The following ACAD11 variants were observed in gnomAD, a reference collection of about 807,000 sequenced individuals.
ACAD11 encodes acyl-CoA dehydrogenase family member 11.
A neutral mutation model predicts 102.2 loss-of-function variants in ACAD11; 83 were observed. The observed-to-expected ratio is 0.81, with a 90% CI of 0.68 to 0.97. The LOEUF is 0.97. Among genes scored for constraint, ACAD11 ranks in the 50% least tolerant of loss-of-function variants. The probability of loss-of-function intolerance (pLI) is 0.00; values close to 1 mark genes in which losing one functional copy is unlikely to be tolerated. For synonymous variants in ACAD11, 324 were observed against 319.8 expected (o/e 1.01, Z -0.14); for missense variants, 901 against 951.7 (o/e 0.95, Z 0.70).
At chr3:132,612,866 C>A (rs1455914696) in intron 11 of ACAD11, among the ~76,000 whole-genome samples, 1 of 151,964 alleles carries the variant, frequency 6.6e-6, no homozygotes, top group Non-Finnish European at 1.5e-5. Flanking sequence ...CCCAGCCATC[C>A]CATTACTGGG....
intron 5 of ACAD11, among the ~76,000 whole-genome samples, chr3:132,634,039 A>G (rs113774677): frequency 0.021 from 3,228 of 152,220 alleles, 44 homozygotes; most frequent in South Asian, 0.07. Flanking sequence ...ATGGCAACAA[A>G]AGCCAAAATT....
intron 4 of ACAD11, among the ~76,000 whole-genome samples, chr3:132,640,510 T>C (rs1168319053): frequency 6.6e-6 from 1 of 152,244 alleles, no homozygotes; most frequent in Non-Finnish European, 1.5e-5. Context: ...AACTTACTCG[T>C]AAAGTCCTCC....
chr3:132,636,999 T>G (rs1175506915), intron 5 of ACAD11, among the ~76,000 whole-genome samples: 1 of 151,832 alleles, frequency 6.6e-6, no homozygotes, highest in Non-Finnish European at 1.5e-5. Flanking sequence ...TGTCACAGGT[T>G]TTACTAAGAG....
intron 13 of ACAD11, among the ~76,000 whole-genome samples, chr3:132,586,618 C>A (rs893699027): frequency 6.6e-6 from 1 of 152,098 alleles, no homozygotes; most frequent in Non-Finnish European, 1.5e-5. Context: ...TATATTACAT[C>A]TGAGAGAGAA....
intron 13 of ACAD11, among the ~76,000 whole-genome samples, chr3:132,579,962 A>G (rs931350112): frequency 3.3e-5 from 5 of 152,132 alleles, no homozygotes; most frequent in Admixed American, 1.3e-4. Context: ...TTAATTTCTT[A>G]AGGGTCAAAT....
At chr3:132,655,352 C>T (rs1233502391) in intron 1 of ACAD11, among the ~76,000 whole-genome samples, 1 of 152,158 alleles carries the variant, frequency 6.6e-6, no homozygotes, top group African/African-American at 2.4e-5. Flanking sequence ...TTACTTCCCT[C>T]CTCTGCTCAA....
chr3:132,615,956 C>A (rs187094358), intron 11 of ACAD11, among the ~76,000 whole-genome samples: 158 of 152,178 alleles, frequency 1.0e-3, no homozygotes, highest in African/African-American at 3.7e-3. Context: ...ATATGTTTCC[C>A]ATATGTTTTA....
rs1456160165 is a variant in ACAD11, at chr3:132,600,838, A to G, written c.1621+2391T>C. ...TGGCAGTAACTAAAGTCCCCAGCCA[A>G]TCAGGAGTGGGAAAACCATGCTGGA... On this transcript the variant is annotated intron_variant, in intron 13 of 19. Transcript: ENST00000264990. 3 of 1,613,922 alleles carry G rather than the reference A, an allele frequency of 1.9e-6. No individual in the cohort carries two copies. In the South Asian group the frequency reaches 3.3e-5, roughly 18 times the overall value.
At chr3:132,561,287 G>T in intron 17 of ACAD11, 70 bp from the exon 18 acceptor site, 2 of 1,140,536 alleles carry the variant, frequency 1.8e-6, no homozygotes, top group Non-Finnish European at 2.7e-6. Context: ...GTGTAACACA[G>T]TCTTATAGTT....
chr3:132,574,923 C>T (rs1344456979), intron 17 of ACAD11, among the ~76,000 whole-genome samples: 1 of 152,184 alleles, frequency 6.6e-6, no homozygotes, highest in Non-Finnish European at 1.5e-5. Context: ...CAACCTCTGT[C>T]TCCCGGGTTC....
chr3:132,563,208 GTAGTT>G (rs1384368119), intron 17 of ACAD11, among the ~76,000 whole-genome samples: 1 of 152,172 alleles, frequency 6.6e-6, no homozygotes, highest in Non-Finnish European at 1.5e-5. Context: ...ACTGATTACT[GTAGTT>G]TAGAGTAAGT....
Position 132,575,832 on chromosome 3 carries a change from C to A in ACAD11, c.1941G>T (p.Leu647Phe), listed in dbSNP as rs768179050. Residue 647 changes from leucine (L) to phenylalanine (F), a missense_variant, in exon 17 of 20, where the codon TTG becomes TTT. By Grantham distance (22) the Leu-to-Phe change is conservative. Transcript: ENST00000264990. Reference sequence around the variant, plus strand: ...GTGTTGCCCGCTCACACATGATCTGCAAAGCGCGTTCCGCCAAACCTACTG... The same window carrying A: ...GTGTTGCCCGCTCACACATGATCTGAAAAGCGCGTTCCGCCAAACCTACTG... ...MRTVGLAERA[L>F]QIMCERATQR... The A allele has an allele frequency of 6.2e-6, 10 of 1,614,102 alleles. No individual in the cohort carries two copies. Among genetic ancestry groups the A allele is most frequent in the Middle Eastern group, 1.7e-4 (1 of 6,060 alleles).
chr3:132,625,107 C>G (rs1464671589), intron 9 of ACAD11, among the ~76,000 whole-genome samples: 1 of 152,156 alleles, frequency 6.6e-6, no homozygotes, highest in Non-Finnish European at 1.5e-5. Flanking sequence ...AATCAAACAT[C>G]TTGATTTCTT....
At chr3:132,617,395 T>C (rs926049129) in intron 11 of ACAD11, among the ~76,000 whole-genome samples, 1 of 152,182 alleles carries the variant, frequency 6.6e-6, no homozygotes, top group Non-Finnish European at 1.5e-5. Context: ...TTTAAAAAAT[T>C]GGCCTCCTTC....
chr3:132,642,263 T>C (rs1940554847), intron 3 of ACAD11, 130 bp from the exon 4 acceptor site: 2 of 841,452 alleles, frequency 2.4e-6, no homozygotes, highest in African/African-American at 1.7e-5. Flanking sequence ...AATAAAAGGA[T>C]ATGCCAAGAT....
chr3:132,630,601 TG>T (rs1478167768), intron 6 of ACAD11, 43 bp from the exon 7 acceptor site: 1 of 1,550,940 alleles, frequency 6.4e-7, no homozygotes, highest in Non-Finnish European at 8.8e-7. Flanking sequence ...TAAAATGTCG[TG>T]GTGAATATTT....
chr3:132,566,296 C>CAAAAAAAAAAAAAAAAAAAAAAAAAAAAA (rs371477145), intron 17 of ACAD11, among the ~76,000 whole-genome samples: 1 of 61,886 alleles, frequency 1.6e-5, no homozygotes, highest in African/African-American at 4.6e-5. Flanking sequence ...AAAACAAACT[C>CAAAAAAAAAAAAAAAAAAAAAAAAAAAAA]AAAAAAACAA....
chr3:132,582,178 G>A (rs1432381240), intron 13 of ACAD11, among the ~76,000 whole-genome samples: 1 of 151,780 alleles, frequency 6.6e-6, no homozygotes. Flanking sequence ...AGATAAATAC[G>A]TTAAGAAAGA....
chr3:132,570,877 T>G (rs2107786792), intron 17 of ACAD11, among the ~76,000 whole-genome samples: 1 of 152,284 alleles, frequency 6.6e-6, no homozygotes, highest in Admixed American at 6.5e-5. Context: ...TCCATGGTGT[T>G]TCTGTACCAC....
Sources: allele counts gnomAD v4.1 joint callset (sites outside exome capture counted in the v4.1 genomes callset), GRCh38; gene constraint gnomAD v4.1.1; transcripts MANE v1.5; gene names NCBI Gene and HGNC (gene_info 2026-07-23, HGNC 2026-07-21).